PAPLN: variants seen among roughly 807,000 people sequenced by gnomAD.
PAPLN encodes the protein papilin, proteoglycan like sulfated glycoprotein, also known as papilin.
Under a neutral mutation model 159.0 loss-of-function variants are expected in PAPLN, and 146 were observed. The ratio of observed to expected loss-of-function variants is 0.92; its 90% CI spans 0.80 to 1.05. The LOEUF (loss-of-function observed/expected upper bound fraction) is 1.05. Ranked by LOEUF, PAPLN falls within the 50% of genes least tolerant of loss-of-function variation. The pLI, the probability that PAPLN is intolerant of heterozygous loss-of-function variation, is 0.00. For synonymous variants in PAPLN, 734 were observed against 702.9 expected, an observed-to-expected ratio of 1.04 and a Z score of -0.70; for missense variants, 1,720 against 1,743.9, an observed-to-expected ratio of 0.99 and a Z score of 0.24.
At chr14:73,272,115 AC>A (rs1887789081) in intron 26 of PAPLN, 1 of 163,056 alleles carries the variant, frequency 6.1e-6, no homozygotes, top group South Asian at 2.0e-4. Flanking sequence ...GGCTGATCCT[AC>A]CTGCTCTCCC....
At chr14:73,250,756 C>G in intron 6 of PAPLN, 151 bp from the exon 7 acceptor site, 2 of 961,710 alleles carry the variant, frequency 2.1e-6, no homozygotes, top group Non-Finnish European at 2.8e-6. Context: ...GATTGTCAGC[C>G]ACAGGCCAGT....
chr14:73,254,496 C>G lies in PAPLN; in HGVS notation c.1303-17C>G. On this transcript the variant is annotated splice_polypyrimidine_tract_variant and intron_variant, in intron 12 of 26. Transcript: ENST00000644200. The stretch of plus-strand genomic sequence containing the variant: ...GGGGGCAAGGCCGAGCTTCTGCTGA[C>G]AGCCTTGTCCTTGCAGTGTTCTGTC... 1 of 1,612,498 alleles carries G rather than the reference C, an allele frequency of 6.2e-7. No individual in the cohort carries two copies. The highest frequency in any genetic ancestry group is 1.3e-5 in the African/African-American group (1 of 75,042).
At chr14:73,251,986 A>T (rs1413894733) in intron 9 of PAPLN, 32 bp from the exon 10 acceptor site, 1 of 1,585,746 alleles carries the variant, frequency 6.3e-7, no homozygotes, top group South Asian at 1.2e-5. Context: ...GCTCCCCAGC[A>T]GCAGACCCCA....
At chr14:73,260,112 C>A (rs1031786185) in intron 16 of PAPLN, among the ~76,000 whole-genome samples, 10 of 152,164 alleles carry the variant, frequency 6.6e-5, no homozygotes, top group African/African-American at 2.4e-4. Flanking sequence ...AGACACTCAC[C>A]GGCTATGTGC....
In PAPLN at chr14:73,250,109, T is replaced by A. The variant is rs1324941654; in HGVS notation, c.460T>A (p.Cys154Ser). ...GKRDVCVDGS[C>S]RVVGCDHELD... is the part of the protein sequence containing the mutation. ...GAGGGATGTCTGTGTGGATGGCAGCTGCCGGGTGAGTGGTGCCCCAGCCCC... is the reference window on the plus strand; with the variant it reads ...GAGGGATGTCTGTGTGGATGGCAGCAGCCGGGTGAGTGGTGCCCCAGCCCC... The change falls in exon 6 of 27, where the codon TGC (cysteine) becomes AGC (serine). Residue 154 changes from cysteine to serine, a missense_variant. Cys to Ser is a moderately radical substitution (Grantham distance 112). Transcript: ENST00000644200. 1.9e-6 allele frequency: 3 copies of A among 1,607,422 alleles called. No homozygotes were observed. In the Admixed American group the frequency reaches 5.1e-5, roughly 27 times the overall value.
chr14:73,251,872 A>G lies in PAPLN; in HGVS notation c.843+36A>G, dbSNP rs772838109. The stretch of plus-strand genomic sequence containing the variant: ...GTGTGGGGAGAGAGGGCGAGTGGGC[A>G]GCTCGTGGTCCCCAAGAGGCTGCCA... On this transcript the variant is annotated intron_variant, in intron 9 of 26. Coordinates refer to ENST00000644200, the MANE Select transcript of PAPLN (RefSeq NM_001365906.3). 9 of 1,562,486 alleles carry G rather than the reference A, an allele frequency of 5.8e-6. No individual in the cohort carries two copies. The Admixed American group carries it at 1.6e-4, about 28-fold the overall frequency.
At chr14:73,247,889 CGTGTGTGTGTGTGTGTGTGTGTGT>C (rs71112721) in intron 5 of PAPLN, among the ~76,000 whole-genome samples, 1 of 19,836 alleles carries the variant, frequency 5.0e-5, no homozygotes, top group Non-Finnish European at 7.8e-5. Flanking sequence ...TCATATCCTC[CGTGTGTGTGTGTGTGTGTGTGTGT>C]GTGTGTGTGT....
chr14:73,241,186 G>T (rs552120381), intron 2 of PAPLN, among the ~76,000 whole-genome samples: 1 of 152,132 alleles, frequency 6.6e-6, no homozygotes, highest in Admixed American at 6.5e-5. Flanking sequence ...CAGCTGGAGC[G>T]GTGGGTGGGC....
Position 73,251,547 on chromosome 14 carries a change from T to C in PAPLN, c.651T>C (p.Ala217=). ...CCAGCATCCTCATCGACGAGGCTGC[T>C]GCCAGCAGGAACTTCCTGGGTGAGA... ...GATSILIDEA[A]ASRNFLAVKN... is the part of the protein sequence containing the mutation. Residue 217 remains alanine (A), a synonymous_variant, in exon 8 of 27, where the codon GCT becomes GCC. Transcript: ENST00000644200. 1 of 1,612,766 alleles carries C rather than the reference T, an allele frequency of 6.2e-7. No homozygotes were observed. The highest frequency in any genetic ancestry group is 8.5e-7 in the Non-Finnish European group (1 of 1,179,878).
chr14:73,263,961 G>A (rs569995838), intron 20 of PAPLN, 179 bp downstream of exon 20: 19 of 1,251,420 alleles, frequency 1.5e-5, no homozygotes, highest in East Asian at 7.0e-5. Flanking sequence ...ACGGCCCCCC[G>A]ACCTCCTCTG....
intron 10 of PAPLN, 86 bp from the exon 11 acceptor site, chr14:73,252,563 G>GT: frequency 6.6e-7 from 1 of 1,513,898 alleles, no homozygotes; most frequent in Non-Finnish European, 8.9e-7. Context: ...GACCTGTGGG[G>GT]TGAGTGCAGG....
In PAPLN at chr14:73,260,691, T is replaced by TA. The variant is rs1491240801; in HGVS notation, c.1986-18_1986-17insA. The TA allele has an allele frequency of 6.9e-7, 1 of 1,444,202 alleles. No homozygotes were observed. Among genetic ancestry groups the TA allele is most frequent in the African/African-American group, 1.5e-5 (1 of 68,040 alleles). 89.5% of individuals were successfully genotyped at this position (1,444,202 alleles called of 1,614,324 possible). On this transcript the variant is annotated splice_polypyrimidine_tract_variant and intron_variant, in intron 16 of 26. Transcript: ENST00000644200. ...GGGGGCAGGCTGGGCAGTGAGGGGC[T>TA]GTGTGATGTCTGCCTAGGTACGGGT... is the stretch of plus-strand genomic sequence containing the variant.
At chr14:73,268,531 C>T in intron 25 of PAPLN, 26 bp from the exon 26 acceptor site, 1 of 1,599,660 alleles carries the variant, frequency 6.3e-7, no homozygotes. Flanking sequence ...CCCTTGATGG[C>T]TCTCCCAGTG....
In PAPLN at chr14:73,254,708, C is replaced by T. The variant is rs769342967; in HGVS notation, c.1485+13C>T. ...CACCTGGGGTCTAGTGAGTGCTCTC[C>T]ACCCCCACACCTGCTGCCTGACCCT... On this transcript the variant is annotated intron_variant, in intron 13 of 26. Transcript: ENST00000644200. The T allele has an allele frequency of 6.2e-7, 1 of 1,610,278 alleles. No individual in the cohort carries two copies.
Position 73,264,277 on chromosome 14 carries a change from C to T in PAPLN, c.2928C>T (p.Tyr976=), listed in dbSNP as rs747558375. ...TGCAGGCAGAGGACGCGGGCACCTA[C>T]AGCTGTGGCAGCACCCGGCCAGGCC... ...HPLQAEDAGT[Y]SCGSTRPGRD... is the part of the protein sequence containing the mutation. The change falls in exon 21 of 27, where the codon TAC becomes TAT. Residue 976 remains tyrosine, a synonymous_variant. Coordinates refer to ENST00000644200, the MANE Select transcript of PAPLN (RefSeq NM_001365906.3). 6.2e-7 allele frequency: 1 copy of T among 1,614,000 alleles called. No individual in the cohort carries two copies. Among genetic ancestry groups the T allele is most frequent in the Non-Finnish European group, 8.5e-7 (1 of 1,180,028 alleles).
At position 73,252,742 on chromosome 14, in the gene PAPLN, C is replaced by A. The variant is rs908356668; in HGVS notation, c.1061C>A (p.Ser354Tyr). 2 of 1,613,600 alleles carry A rather than the reference C, an allele frequency of 1.2e-6. No individual in the cohort carries two copies. Among genetic ancestry groups the A allele is most frequent in the Non-Finnish European group, 8.5e-7 (1 of 1,180,006 alleles). Residue 354 changes from serine to tyrosine, a missense_variant, in exon 11 of 27, where the codon TCC becomes TAC. Physicochemically the swap from Ser to Tyr is moderately radical, Grantham distance 144 (BLOSUM62 -2). Coordinates refer to ENST00000644200, the MANE Select transcript of PAPLN (RefSeq NM_001365906.3). ...QRQPRPADRR[S>Y]CNLHPCPETK... is the part of the protein sequence containing the mutation. ...CAGCCACGGCCAGCTGACCGGCGTT[C>A]CTGCAATCTTCACCCTTGCCCGGAG... is the stretch of plus-strand genomic sequence containing the variant.
At position 73,251,480 on chromosome 14, in the gene PAPLN, C is replaced by G; in HGVS notation, c.590-6C>G. 6.2e-7 allele frequency: 1 copy of G among 1,604,330 alleles called. No individual in the cohort carries two copies. Among genetic ancestry groups the G allele is most frequent in the Non-Finnish European group, 8.5e-7 (1 of 1,179,756 alleles). On this transcript the variant is annotated splice_polypyrimidine_tract_variant and splice_region_variant and intron_variant, in intron 7 of 26. Transcript: ENST00000644200. ...GCACACCCAGCACCTGCGTCTCTGC[C>G]CCCAGGCTACAACCAGATCCTCATA...
At chr14:73,244,410 T>A in intron 2 of PAPLN, 1 of 467,904 alleles carries the variant, frequency 2.1e-6, no homozygotes, top group Non-Finnish European at 3.8e-6. Flanking sequence ...CTGCTCCTGC[T>A]CCCGCCCTCC....
At chr14:73,239,047 T>G (rs139953047) in intron 1 of PAPLN, among the ~76,000 whole-genome samples, 1 of 152,296 alleles carries the variant, frequency 6.6e-6, no homozygotes, top group African/African-American at 2.4e-5. Context: ...AGACTGCACA[T>G]GGACCCGCCC....
Sources: allele counts gnomAD v4.1 joint callset (sites outside exome capture counted in the v4.1 genomes callset), GRCh38; gene constraint gnomAD v4.1.1; transcripts MANE v1.5; gene names NCBI Gene and HGNC (gene_info 2026-07-23, HGNC 2026-07-21).